The following OPHN1 variants were observed in gnomAD, a reference collection of about 807,000 sequenced individuals.
The protein encoded by OPHN1 is oligophrenin 1, also known as oligophrenin-1.
A neutral mutation model predicts 60.7 loss-of-function variants in OPHN1; 11 were observed. The ratio of observed to expected loss-of-function variants is 0.18; its 90% confidence interval spans 0.11 to 0.30. The LOEUF is 0.30. OPHN1 is among the 10% of genes least tolerant of loss of function. The pLI, the probability that OPHN1 is intolerant of heterozygous loss-of-function variation, is 1.00. For synonymous variants in OPHN1, 226 were observed against 222.6 expected, an observed-to-expected ratio of 1.02 and a Z score of -0.14; for missense variants, 449 against 611.0, an observed-to-expected ratio of 0.73 and a Z score of 2.80.
intron 19 of OPHN1, among the ~76,000 whole-genome samples, chrX:68,092,874 G>A (rs942778025): frequency 4.5e-5 from 5 of 110,828 alleles, no homozygotes; most frequent in African/African-American, 1.3e-4. Flanking sequence ...CTAATGATGA[G>A]ATGCTGTGTC....
chrX:68,080,995 C>T (rs185561055), intron 19 of OPHN1, among the ~76,000 whole-genome samples: 148 of 111,338 alleles, frequency 1.3e-3, no homozygotes, highest in African/African-American at 4.7e-3. Flanking sequence ...GTCTTTATTA[C>T]ACTGCATCCT....
intron 15 of OPHN1, among the ~76,000 whole-genome samples, chrX:68,187,527 C>G (rs1318960637): frequency 3.6e-5 from 4 of 109,692 alleles, no homozygotes; most frequent in Non-Finnish European, 5.7e-5. Flanking sequence ...AAAAAAGTAG[C>G]CTTGCTGACA....
chrX:68,352,737 T>G (rs762493946), intron 2 of OPHN1, among the ~76,000 whole-genome samples: 7 of 112,016 alleles, frequency 6.2e-5, no homozygotes, highest in Non-Finnish European at 1.3e-4. Context: ...CTCTAAAATT[T>G]AGACAACTAT....
At chrX:68,262,873 A>AC (rs1569261723) in intron 5 of OPHN1, among the ~76,000 whole-genome samples, 3 of 111,512 alleles carry the variant, frequency 2.7e-5, no homozygotes, top group African/African-American at 3.3e-5. Context: ...ACAGGACAGG[A>AC]AAGGAAAGGA....
chrX:68,264,178 T>G (rs943960347), intron 5 of OPHN1, among the ~76,000 whole-genome samples: 1 of 111,341 alleles, frequency 9.0e-6, no homozygotes, highest in African/African-American at 3.3e-5. Context: ...GGCAATACCA[T>G]TCAGGACATA....
At chrX:68,170,717 G>A (rs2077386375) in intron 15 of OPHN1, among the ~76,000 whole-genome samples, 2 of 99,351 alleles carry the variant, frequency 2.0e-5, no homozygotes, top group Middle Eastern at 0.01. Context: ...TCACTCATAG[G>A]TGGGAACTGA....
At chrX:68,303,070 G>A (rs2078128766) in intron 2 of OPHN1, among the ~76,000 whole-genome samples, 1 of 111,869 alleles carries the variant, frequency 8.9e-6, no homozygotes, top group Non-Finnish European at 1.9e-5. Context: ...TGAATAGGAT[G>A]CACAAAAATA....
chrX:68,233,004 C>A (rs1744492117), intron 6 of OPHN1, among the ~76,000 whole-genome samples: 1 of 107,630 alleles, frequency 9.3e-6, no homozygotes. Flanking sequence ...TCTCAGCTCA[C>A]TGCAACCTCC....
chrX:68,175,033 G>A (rs1017322225), intron 15 of OPHN1, among the ~76,000 whole-genome samples: 1 of 108,902 alleles, frequency 9.2e-6, no homozygotes, highest in Admixed American at 9.9e-5. Context: ...GCAGTGAGCC[G>A]AGGTCGCACC....
intron 15 of OPHN1, among the ~76,000 whole-genome samples, chrX:68,167,461 T>C (rs2077363821): frequency 9.1e-6 from 1 of 110,302 alleles, no homozygotes; most frequent in African/African-American, 3.3e-5. Context: ...AATCTCAAAA[T>C]TGAGTTACCA....
intron 15 of OPHN1, among the ~76,000 whole-genome samples, chrX:68,169,227 C>T (rs143676549): frequency 0.21 from 23,104 of 110,171 alleles, 2,165 homozygotes; most frequent in African/African-American, 0.31. Context: ...TTACAAGGGA[C>T]GTGAAGGAAC....
chrX:68,290,651 GTGTGC>G (rs2078066725), intron 3 of OPHN1, among the ~76,000 whole-genome samples: 1 of 109,084 alleles, frequency 9.2e-6, no homozygotes, highest in South Asian at 4.1e-4. Flanking sequence ...GCCAGGTGAG[GTGTGC>G]TTTCTGGCTG....
intron 15 of OPHN1, among the ~76,000 whole-genome samples, chrX:68,177,285 A>G (rs1320880696): frequency 9.0e-6 from 1 of 111,030 alleles, no homozygotes; most frequent in African/African-American, 3.3e-5. Context: ...AGCTCTGCAT[A>G]TTTGTTGCAA....
intron 15 of OPHN1, among the ~76,000 whole-genome samples, chrX:68,181,833 A>G (rs2077438433): frequency 9.0e-6 from 1 of 111,645 alleles, no homozygotes; most frequent in South Asian, 3.7e-4. Context: ...ATCAATAAAT[A>G]AATACATAAT....
chrX:68,154,075 C>T (rs1245400851), intron 15 of OPHN1, among the ~76,000 whole-genome samples: 2 of 112,192 alleles, frequency 1.8e-5, no homozygotes, highest in Non-Finnish European at 3.8e-5. Flanking sequence ...ACAACATTGG[C>T]AGCAATTTTA....
chrX:68,194,563 A>G lies in OPHN1; in HGVS notation c.1105-65T>C, dbSNP rs12012765. 5,634 of 910,674 alleles carry G rather than the reference A, an allele frequency of 6.2e-3. 185 individuals are homozygous for G. The African/African-American group carries it at 0.097, about 16-fold the overall frequency. 75.0% of individuals were successfully genotyped at this position (910,674 alleles called of 1,213,427 possible). ...CAATCAATATAGGAAAACAGAGAAC[A>G]TAATATTAAATATCTTTCCCCAGAT... On this transcript the variant is annotated intron_variant, in intron 12 of 24. Coordinates refer to ENST00000355520, the MANE Select transcript of OPHN1 (RefSeq NM_002547.3).
At chrX:68,162,751 T>C (rs1410519150) in intron 15 of OPHN1, among the ~76,000 whole-genome samples, 1 of 111,266 alleles carries the variant, frequency 9.0e-6, no homozygotes, top group African/African-American at 3.2e-5. Context: ...ATGTTTTATA[T>C]TGTAAATCAG....
At chrX:68,194,972 AAAAG>A (rs754895793) in intron 12 of OPHN1, among the ~76,000 whole-genome samples, 3 of 97,243 alleles carry the variant, frequency 3.1e-5, no homozygotes, top group Admixed American at 1.1e-4. Flanking sequence ...TGTCAAAAAA[AAAAG>A]AAAGAAAGAA....
At chrX:68,206,175 C>T (rs1243828802) in intron 10 of OPHN1, among the ~76,000 whole-genome samples, 2 of 111,060 alleles carry the variant, frequency 1.8e-5, no homozygotes, top group Non-Finnish European at 3.8e-5. Context: ...TCGGTTATTC[C>T]AACTGTGGGC....
Sources: allele counts gnomAD v4.1 joint callset (sites outside exome capture counted in the v4.1 genomes callset), GRCh38; gene constraint gnomAD v4.1.1; transcripts MANE v1.5; gene names NCBI Gene and HGNC (gene_info 2026-07-23, HGNC 2026-07-21).